The following NOL10 variants were observed in gnomAD, a reference collection of about 807,000 sequenced individuals.
The protein encoded by NOL10 is H_NH0074G24.1.
A neutral mutation model predicts 103.5 loss-of-function variants in NOL10; 58 were observed. The observed-to-expected ratio is 0.56, with a 90% CI of 0.45 to 0.70. The LOEUF is 0.70. Ranked by LOEUF, NOL10 falls within the 30% of genes least tolerant of loss-of-function variation. The probability of loss-of-function intolerance (pLI) is 0.00; values close to 1 mark genes in which losing one functional copy is unlikely to be tolerated. For synonymous variants in NOL10, 287 were observed against 282.5 expected (o/e 1.02, Z -0.16); for missense variants, 763 against 807.3 (o/e 0.95, Z 0.67).
chr2:10,679,294 G>C (rs1681553200), intron 3 of NOL10, among the ~76,000 whole-genome samples: 1 of 151,612 alleles, frequency 6.6e-6, no homozygotes, highest in Non-Finnish European at 1.5e-5. Flanking sequence ...AGGAGGCAGA[G>C]GTTGCGGTAA....
At chr2:10,583,895 G>A (rs1442476944) in intron 19 of NOL10, among the ~76,000 whole-genome samples, 1 of 152,154 alleles carries the variant, frequency 6.6e-6, no homozygotes. Context: ...GTTTTTATTT[G>A]CTACAACAAA....
intron 11 of NOL10, among the ~76,000 whole-genome samples, chr2:10,656,540 G>A (rs1166956718): frequency 6.6e-6 from 1 of 152,198 alleles, no homozygotes; most frequent in African/African-American, 2.4e-5. Flanking sequence ...AGGAAAAGAA[G>A]CCAAGTAAGA....
chr2:10,627,820 G>A (rs556834818), intron 13 of NOL10, among the ~76,000 whole-genome samples: 49 of 151,750 alleles, frequency 3.2e-4, no homozygotes, highest in African/African-American at 9.7e-4. Flanking sequence ...TGGTTGAATC[G>A]CATCCTAAAC....
chr2:10,663,833 C>T (rs1313664997), intron 8 of NOL10, among the ~76,000 whole-genome samples: 1 of 151,686 alleles, frequency 6.6e-6, no homozygotes, highest in African/African-American at 2.4e-5. Flanking sequence ...GCTTTTAGTC[C>T]CAGCTACTTG....
In NOL10 at chr2:10,571,718, C is replaced by G. The variant is rs1266836663; in HGVS notation, c.*353G>C. On this transcript the variant is annotated 3_prime_UTR_variant, in exon 21 of 21. Coordinates refer to ENST00000381685, the MANE Select transcript of NOL10 (RefSeq NM_024894.4). ...CAGTGTAAGAAAAAAGTTCCTAGAG[C>G]ATGATAAACCTTGGTTTCTGGCACA... The G allele has an allele frequency of 3.5e-5, 6 of 169,982 alleles. No homozygotes were observed. The highest frequency in any genetic ancestry group is 1.4e-4 in the African/African-American group (6 of 41,930). The allele number at this position is 169,982 out of a possible 1,614,324, so 10.5% of individuals were successfully genotyped here. A position where few individuals can be genotyped will look rare whatever the true frequency, so the allele number is the denominator to read the frequency against.
At position 10,671,583 on chromosome 2, in the gene NOL10, T is replaced by G; in HGVS notation, c.435A>C (p.Pro145=). The G allele has an allele frequency of 6.2e-7, 1 of 1,606,282 alleles. No homozygotes were observed. The highest frequency in any genetic ancestry group is 8.5e-7 in the Non-Finnish European group (1 of 1,176,266). The change falls in exon 6 of 21, where the codon CCA becomes CCC. Residue 145 remains proline (P), a synonymous_variant. Coordinates refer to ENST00000381685, the MANE Select transcript of NOL10 (RefSeq NM_024894.4). ...CACCAACAAAGTACAAGTCACAGGA[T>G]GGATAGTGGTAAGAGAAATCTCTCC... The part of the protein sequence containing the change: ...KFGRDFSYHY[P]SCDLYFVGAS...
intron 17 of NOL10, among the ~76,000 whole-genome samples, chr2:10,591,834 T>C (rs1309353116): frequency 6.6e-6 from 1 of 152,022 alleles, no homozygotes; most frequent in Non-Finnish European, 1.5e-5. Flanking sequence ...TGAGACGCTG[T>C]CTATACAAAA....
intron 13 of NOL10, among the ~76,000 whole-genome samples, chr2:10,625,603 T>C (rs1677408968): frequency 6.6e-6 from 1 of 152,142 alleles, no homozygotes. Context: ...CAAATGAGGA[T>C]TTGTGCCCAT....
intron 13 of NOL10, among the ~76,000 whole-genome samples, chr2:10,608,669 G>A (rs1676386495): frequency 6.6e-6 from 1 of 152,148 alleles, no homozygotes; most frequent in East Asian, 1.9e-4. Context: ...AAGAAGGAAA[G>A]GCAGAAGGAA....
At chr2:10,588,079 C>T (rs190785348) in intron 19 of NOL10, among the ~76,000 whole-genome samples, 44 of 152,292 alleles carry the variant, frequency 2.9e-4, no homozygotes, top group Non-Finnish European at 5.6e-4. Context: ...CCTAGGAATT[C>T]TCAAAGCAGA....
Position 10,577,689 on chromosome 2 carries a change from T to G in NOL10, c.1894A>C (p.Ser632Arg), listed in dbSNP as rs1410238280. ...LKIEAKNGTLSVSDTTVGSKQ... is the reference protein window; with the variant it reads ...LKIEAKNGTLRVSDTTVGSKQ... The stretch of plus-strand genomic sequence containing the variant: ...CTGCCAACGGTGGTGTCGGATACAC[T>G]CAATGTCCCATTTTTTGCTTCAATT... The change falls in exon 20 of 21, where the codon AGT becomes CGT. Residue 632 changes from serine (S) to arginine (R), a missense_variant. Physicochemically the swap from Ser to Arg is moderately radical, Grantham distance 110. Coordinates refer to ENST00000381685, the MANE Select transcript of NOL10 (RefSeq NM_024894.4). The G allele has an allele frequency of 2.5e-6, 4 of 1,613,106 alleles. 1 individual carries two copies. In the East Asian group the frequency reaches 8.9e-5, roughly 36 times the overall value.
Position 10,659,116 on chromosome 2 carries a change from T to G in NOL10, c.756+56A>C, listed in dbSNP as rs534209773. On this transcript the variant is annotated intron_variant, in intron 10 of 20. Transcript: ENST00000381685. ...CCTGCAGTGTATTTCTCATGACACATACACACACCACTGAAATACCAACTT... is the reference window on the plus strand; with the variant it reads ...CCTGCAGTGTATTTCTCATGACACAGACACACACCACTGAAATACCAACTT... 6 of 1,173,894 alleles carry G rather than the reference T, an allele frequency of 5.1e-6. No homozygotes were observed. The South Asian group carries it at 5.2e-5, about 10-fold the overall frequency. The allele number at this position is 1,173,894 out of a possible 1,614,324, so 72.7% of individuals were successfully genotyped here. A position where few individuals can be genotyped will look rare whatever the true frequency, so the allele number is the denominator to read the frequency against.
At chr2:10,586,598 G>A (rs1368436883) in intron 19 of NOL10, among the ~76,000 whole-genome samples, 4 of 135,672 alleles carry the variant, frequency 2.9e-5, no homozygotes, top group South Asian at 2.2e-4. Flanking sequence ...ACCATTACTC[G>A]CCTCCCCTGC....
intron 12 of NOL10, among the ~76,000 whole-genome samples, chr2:10,649,923 T>TA (rs1679348616): frequency 6.6e-6 from 1 of 152,182 alleles, no homozygotes; most frequent in South Asian, 2.1e-4. Flanking sequence ...TTACTCTTCT[T>TA]AGATTTTTTT....
In NOL10 at chr2:10,571,921, G is replaced by T; in HGVS notation, c.*150C>A. ...GCCAGCTTCAAAGTCCAACCCACAAGGCACAGGTTTTCAAATCTTTACCTC... is the reference window on the plus strand; with the variant it reads ...GCCAGCTTCAAAGTCCAACCCACAATGCACAGGTTTTCAAATCTTTACCTC... On this transcript the variant is annotated 3_prime_UTR_variant, in exon 21 of 21. Coordinates refer to ENST00000381685, the MANE Select transcript of NOL10 (RefSeq NM_024894.4). 2.1e-6 allele frequency: 2 copies of T among 943,102 alleles called. No individual in the cohort carries two copies. Among genetic ancestry groups the T allele is most frequent in the Non-Finnish European group, 3.1e-6 (2 of 644,246 alleles). The allele number at this position is 943,102 out of a possible 1,614,324, so 58.4% of individuals were successfully genotyped here. A position where few individuals can be genotyped will look rare whatever the true frequency, so the allele number is the denominator to read the frequency against.
chr2:10,608,527 G>C (rs944240763), intron 13 of NOL10, among the ~76,000 whole-genome samples: 3 of 135,212 alleles, frequency 2.2e-5, no homozygotes, highest in East Asian at 2.2e-4. Flanking sequence ...GAGGTAATGA[G>C]AGAACACTGG....
chr2:10,670,907 A>G (rs1470229827), intron 6 of NOL10, among the ~76,000 whole-genome samples: 11 of 152,370 alleles, frequency 7.2e-5, no homozygotes, highest in East Asian at 1.9e-4. Flanking sequence ...AAACTTGCTA[A>G]TAAACTTTTG....
chr2:10,646,736 A>G (rs1679096242), intron 12 of NOL10, among the ~76,000 whole-genome samples: 1 of 152,214 alleles, frequency 6.6e-6, no homozygotes, highest in African/African-American at 2.4e-5. Flanking sequence ...GGGCCACCAC[A>G]TAGCTAGTAA....
chr2:10,572,870 C>T (rs13011439), intron 20 of NOL10, among the ~76,000 whole-genome samples: 35,778 of 152,012 alleles, frequency 0.24, 5,729 homozygotes, highest in East Asian at 0.44. Flanking sequence ...TCACATTTGT[C>T]CTCAATGCTC....
Sources: gnomAD v4.1 joint callset for allele counts (sites outside exome capture counted in the v4.1 genomes callset) on GRCh38, gnomAD v4.1.1 for gene constraint, MANE v1.5 for transcripts, NCBI Gene and HGNC (gene_info 2026-07-23, HGNC 2026-07-21) for gene names.